The following COX7B2 variants were observed in gnomAD, a reference collection of about 807,000 sequenced individuals.
COX7B2 encodes cytochrome c oxidase subunit 7B2, also known as cytochrome c oxidase subunit 7B2, mitochondrial.
For missense variants in COX7B2, 109 were observed against 95.9 expected (o/e 1.14, Z -0.57); for synonymous variants, 37 against 32.1 (o/e 1.15, Z -0.51).
intron 2 of COX7B2, among the ~76,000 whole-genome samples, chr4:46,816,195 G>C (rs1405232725): frequency 6.6e-6 from 1 of 152,060 alleles, no homozygotes; most frequent in East Asian, 1.9e-4. Context: ...ATTGTTGTTT[G>C]GTATTCAATG....
chr4:46,758,754 C>T (rs1229102349), intron 2 of COX7B2, among the ~76,000 whole-genome samples: 3 of 151,882 alleles, frequency 2.0e-5, no homozygotes, highest in African/African-American at 7.3e-5. Flanking sequence ...AGAGTATTTG[C>T]CCAAAAATGT....
chr4:46,783,807 G>T (rs898586035), intron 2 of COX7B2, among the ~76,000 whole-genome samples: 1 of 152,126 alleles, frequency 6.6e-6, no homozygotes, highest in African/African-American at 2.4e-5. Context: ...AAGAAGAAAA[G>T]AGAGAAAGTA....
intron 2 of COX7B2, among the ~76,000 whole-genome samples, chr4:46,844,639 G>T (rs1716145282): frequency 6.6e-6 from 1 of 151,988 alleles, no homozygotes; most frequent in Non-Finnish European, 1.5e-5. Context: ...GAAAATGTTT[G>T]CTGGCAATAC....
intron 2 of COX7B2, among the ~76,000 whole-genome samples, chr4:46,788,933 T>C (rs917308857): frequency 1.3e-5 from 2 of 152,166 alleles, no homozygotes; most frequent in African/African-American, 4.8e-5. Flanking sequence ...GGATAACCAG[T>C]TCTAATAAGC....
intron 2 of COX7B2, among the ~76,000 whole-genome samples, chr4:46,758,124 C>A (rs1179397673): frequency 6.6e-6 from 1 of 151,676 alleles, no homozygotes; most frequent in Non-Finnish European, 1.5e-5. Flanking sequence ...AAGTATTCTA[C>A]AATACTTTAT....
chr4:46,879,354 G>C (rs2109842843), intron 1 of COX7B2, among the ~76,000 whole-genome samples: 1 of 151,576 alleles, frequency 6.6e-6, no homozygotes, highest in South Asian at 2.1e-4. Flanking sequence ...GTCTCACACT[G>C]TCACTCAGGT....
chr4:46,759,146 G>T (rs116933230), intron 2 of COX7B2, among the ~76,000 whole-genome samples: 1 of 152,024 alleles, frequency 6.6e-6, no homozygotes, highest in Non-Finnish European at 1.5e-5. Flanking sequence ...TTCTATCCCA[G>T]ATCTCAGAGA....
chr4:46,862,274 C>T (rs183226176), intron 1 of COX7B2, among the ~76,000 whole-genome samples: 168 of 152,260 alleles, frequency 1.1e-3, no homozygotes, highest in African/African-American at 3.8e-3. Flanking sequence ...TCAGGGAAAA[C>T]GAAGTTTAGC....
At chr4:46,831,093 G>C (rs1481413218) in intron 2 of COX7B2, among the ~76,000 whole-genome samples, 2 of 152,158 alleles carry the variant, frequency 1.3e-5, no homozygotes, top group African/African-American at 2.4e-5. Context: ...GCCAGCTAGA[G>C]TTCCGGGTGG....
intron 2 of COX7B2, among the ~76,000 whole-genome samples, chr4:46,763,165 AAT>A (rs1716321182): frequency 7.4e-6 from 1 of 134,772 alleles, no homozygotes; most frequent in Non-Finnish European, 1.5e-5. Flanking sequence ...ATATATTTAC[AAT>A]ATATATTTAT....
intron 2 of COX7B2, among the ~76,000 whole-genome samples, chr4:46,811,280 A>G (rs993512162): frequency 6.6e-5 from 10 of 151,748 alleles, no homozygotes; most frequent in South Asian, 2.1e-4. Context: ...GGGGACTCCA[A>G]TAATCAAATA....
intron 2 of COX7B2, among the ~76,000 whole-genome samples, chr4:46,789,299 A>C (rs1717912308): frequency 6.6e-6 from 1 of 152,194 alleles, no homozygotes; most frequent in African/African-American, 2.4e-5. Flanking sequence ...GTTCAAAACA[A>C]GTAAAACAAG....
chr4:46,861,213 C>T (rs1214995041), intron 1 of COX7B2, among the ~76,000 whole-genome samples: 1 of 152,118 alleles, frequency 6.6e-6, no homozygotes, highest in Non-Finnish European at 1.5e-5. Flanking sequence ...GAAAAGCCAC[C>T]TCTTTTGTCA....
chr4:46,814,801 G>T (rs773695524), intron 2 of COX7B2, among the ~76,000 whole-genome samples: 18 of 152,098 alleles, frequency 1.2e-4, no homozygotes, highest in Non-Finnish European at 1.8e-4. Context: ...TTAATATAGG[G>T]AATTGTATCT....
chr4:46,736,910 T>C (rs113861365), intron 2 of COX7B2, among the ~76,000 whole-genome samples: 3,620 of 152,318 alleles, frequency 0.024, 105 homozygotes, highest in African/African-American at 0.069. Flanking sequence ...ACAACTGCTG[T>C]TGCTATAAAC....
At chr4:46,804,893 G>A (rs1033279419) in intron 2 of COX7B2, among the ~76,000 whole-genome samples, 9 of 152,200 alleles carry the variant, frequency 5.9e-5, no homozygotes, top group African/African-American at 9.6e-5. Context: ...TGTGCACGTC[G>A]GGGAGGCTCA....
chr4:46,804,638 A>G (rs1183174234), intron 2 of COX7B2, among the ~76,000 whole-genome samples: 2 of 152,234 alleles, frequency 1.3e-5, no homozygotes, highest in African/African-American at 2.4e-5. Flanking sequence ...AGCTAGACAC[A>G]GGGTGCTGCT....
At chr4:46,791,143 C>T (rs919700578) in intron 2 of COX7B2, among the ~76,000 whole-genome samples, 4 of 151,612 alleles carry the variant, frequency 2.6e-5, no homozygotes, top group East Asian at 1.9e-4. Context: ...GGACTACAGG[C>T]GCCCGCCACC....
chr4:46,907,946 C>T (rs943064155), intron 1 of COX7B2, among the ~76,000 whole-genome samples: 46 of 150,404 alleles, frequency 3.1e-4, no homozygotes, highest in Admixed American at 1.7e-3. Context: ...CTCCGCCTCC[C>T]GGGTTCAAGC....
Sources: gnomAD v4.1 joint callset for allele counts (sites outside exome capture counted in the v4.1 genomes callset) on GRCh38, gnomAD v4.1.1 for gene constraint, MANE v1.5 for transcripts, NCBI Gene and HGNC (gene_info 2026-07-23, HGNC 2026-07-21) for gene names.